MAPK10: variants seen among roughly 807,000 people sequenced by gnomAD.
MAPK10 encodes the protein JNK3 alpha protein kinase.
Under a neutral mutation model 59.3 loss-of-function variants are expected in MAPK10, and 25 were observed. That is an observed-to-expected ratio of 0.42 (90% CI 0.31 to 0.59). The LOEUF is 0.59. MAPK10 is among the 20% of genes least tolerant of loss of function. The probability of loss-of-function intolerance (pLI) is 0.15; values close to 1 mark genes in which losing one functional copy is unlikely to be tolerated. For synonymous variants in MAPK10, 190 were observed against 200.5 expected (o/e 0.95, Z 0.44); for missense variants, 351 against 568.9 (o/e 0.62, Z 3.90).
intron 1 of MAPK10, among the ~76,000 whole-genome samples, chr4:86,414,982 A>T (rs899038508): frequency 2.6e-5 from 4 of 151,840 alleles, no homozygotes; most frequent in African/African-American, 9.7e-5. Flanking sequence ...TACAACAAAT[A>T]AAAAAATTAG....
intron 1 of MAPK10, among the ~76,000 whole-genome samples, chr4:86,422,374 C>T (rs142371862): frequency 1.3e-5 from 2 of 152,178 alleles, no homozygotes; most frequent in Admixed American, 1.3e-4. Flanking sequence ...GAAGGCAATG[C>T]CTAACATGTG....
rs567843179 is a variant in MAPK10, at chr4:86,292,073, G to T, written c.-7+62457C>A. 2.0e-5 allele frequency among the ~76,000 whole-genome samples: 3 copies of T among 152,278 alleles called. No homozygotes were observed. The South Asian group carries it at 6.2e-4, about 32-fold the overall frequency. ...TAGATTTTATAGTATTGCTGATTCT[G>T]AAGAGTATTTATAGGAAGTTCACCA... On this transcript the variant is annotated intron_variant, in intron 2 of 13. Transcript: ENST00000641462.
intron 9 of MAPK10, among the ~76,000 whole-genome samples, chr4:86,076,319 G>T (rs2049442204): frequency 6.6e-6 from 1 of 152,170 alleles, no homozygotes; most frequent in Admixed American, 6.5e-5. Flanking sequence ...GATGCACCCG[G>T]TACCTCAGAT....
rs11944190 is a variant in MAPK10, at chr4:86,207,513, T to G, written c.-6-13106A>C. On this transcript the variant is annotated intron_variant, in intron 2 of 13. Transcript: ENST00000641462. ...CCCGTTTTGTTCTTTTGGCTTAGGA[T>G]TGACTTGGCGATACGGGCTCTTTTT... is the stretch of plus-strand genomic sequence containing the variant. 1.7e-4 allele frequency among the ~76,000 whole-genome samples: 26 copies of G among 152,230 alleles called. 1 individual carries two copies. The highest frequency in any genetic ancestry group is 5.8e-4 in the African/African-American group (24 of 41,542).
At chr4:86,341,207 C>T (rs185251989) in intron 2 of MAPK10, among the ~76,000 whole-genome samples, 35 of 152,270 alleles carry the variant, frequency 2.3e-4, no homozygotes, top group Admixed American at 3.3e-4. Context: ...CACACACTAG[C>T]CCAATATACT....
At chr4:86,532,643 A>C (rs1202856974) in intron 1 of MAPK10, among the ~76,000 whole-genome samples, 1 of 152,144 alleles carries the variant, frequency 6.6e-6, no homozygotes, top group Non-Finnish European at 1.5e-5. Flanking sequence ...CTGAACTCTT[A>C]TCTTTTCCCT....
At chr4:86,082,078 G>C (rs576612477) in intron 9 of MAPK10, 1 of 152,084 alleles carries the variant, frequency 6.6e-6, no homozygotes, top group African/African-American at 2.4e-5. Context: ...ATGACAGTAT[G>C]GTATGTAAAA....
intron 2 of MAPK10, among the ~76,000 whole-genome samples, chr4:86,285,005 C>CA (rs1375361159): frequency 6.6e-6 from 1 of 152,166 alleles, no homozygotes; most frequent in Non-Finnish European, 1.5e-5. Context: ...CATGGCCTTT[C>CA]AATGAATGAA....
intron 1 of MAPK10, among the ~76,000 whole-genome samples, chr4:86,434,891 C>T (rs140163035): frequency 6.6e-6 from 1 of 152,202 alleles, no homozygotes; most frequent in East Asian, 1.9e-4. Flanking sequence ...TGGGATCAAC[C>T]TGTGTCTGTC....
At chr4:86,489,937 C>G (rs1026085002) in intron 1 of MAPK10, among the ~76,000 whole-genome samples, 5 of 152,110 alleles carry the variant, frequency 3.3e-5, no homozygotes, top group Admixed American at 1.3e-4. Flanking sequence ...AGTAGTCAGT[C>G]CCCCCATCTC....
At chr4:86,146,988 A>G (rs1469433350) in intron 4 of MAPK10, among the ~76,000 whole-genome samples, 1 of 152,238 alleles carries the variant, frequency 6.6e-6, no homozygotes, top group Non-Finnish European at 1.5e-5. Flanking sequence ...CAGTAACTCA[A>G]TAAAAACCCA....
In MAPK10 at chr4:86,585,838, C is replaced by T. The variant is rs947896384; in HGVS notation, c.-263+8072G>A. 3.9e-5 allele frequency among the ~76,000 whole-genome samples: 6 copies of T among 152,242 alleles called. No homozygotes were observed. In the South Asian group the frequency reaches 1.2e-3, roughly 32 times the overall value. ...ATAGGGGGAGATGTAAAAATCAAGA[C>T]AATCGACTTAAAAAAATTATTTTCA... On this transcript the variant is annotated intron_variant, in intron 1 of 4. Coordinates refer to the MAPK10 transcript ENST00000502302.
chr4:86,335,053 C>T (rs17409904), intron 2 of MAPK10: 68,132 of 151,962 alleles, frequency 0.45, 15,742 homozygotes, highest in Non-Finnish European at 0.51. Flanking sequence ...AAGGAGAAAG[C>T]ATCATTGCCT....
upstream of MAPK10, chr4:86,360,151 G>T (rs1416566602): frequency 9.1e-6 from 9 of 985,906 alleles, no homozygotes; most frequent in Non-Finnish European, 9.6e-6. Flanking sequence ...AGAGGTCTAG[G>T]GAGGGGGATG....
chr4:86,437,016 T>C (rs1748820409), intron 1 of MAPK10, among the ~76,000 whole-genome samples: 1 of 151,972 alleles, frequency 6.6e-6, no homozygotes, highest in Admixed American at 6.6e-5. Flanking sequence ...ATCGAGACCA[T>C]CCTGGCTAAC....
chr4:86,552,649 G>A (rs780260525), intron 1 of MAPK10, among the ~76,000 whole-genome samples: 5 of 152,162 alleles, frequency 3.3e-5, no homozygotes, highest in Admixed American at 6.5e-5. Flanking sequence ...CACATTGTGT[G>A]AGAAGTACTA....
At chr4:86,208,752 G>A (rs1346535240) in intron 2 of MAPK10, among the ~76,000 whole-genome samples, 1 of 151,964 alleles carries the variant, frequency 6.6e-6, no homozygotes, top group Non-Finnish European at 1.5e-5. Flanking sequence ...CAATTAGGCA[G>A]GAGAAGAAAA....
At chr4:86,288,282 T>A (rs974671823) in intron 2 of MAPK10, among the ~76,000 whole-genome samples, 2 of 151,044 alleles carry the variant, frequency 1.3e-5, no homozygotes, top group African/African-American at 4.9e-5. Context: ...CATTAACTCG[T>A]CATTTAGCAT....
intron 2 of MAPK10, among the ~76,000 whole-genome samples, chr4:86,197,219 T>C (rs1198987609): frequency 6.6e-6 from 1 of 152,184 alleles, no homozygotes; most frequent in Non-Finnish European, 1.5e-5. Context: ...TTTGTTTGTG[T>C]CCTCTCTTAT....
Sources: allele counts gnomAD v4.1 joint callset (sites outside exome capture counted in the v4.1 genomes callset), GRCh38; gene constraint gnomAD v4.1.1; transcripts MANE v1.5; gene names NCBI Gene and HGNC (gene_info 2026-07-23, HGNC 2026-07-21).